The following EXOC4 variants were observed in gnomAD, a reference collection of about 807,000 sequenced individuals.
EXOC4 encodes the protein SEC8-like 1.
In EXOC4, 71 loss-of-function variants were observed where a neutral mutation model predicts 107.2. That is an observed-to-expected ratio of 0.66 (90% CI 0.55 to 0.81). The LOEUF (loss-of-function observed/expected upper bound fraction) is 0.81. EXOC4 is among the 30% of genes least tolerant of loss of function. The probability of loss-of-function intolerance (pLI) is 0.00; values close to 1 mark genes in which losing one functional copy is unlikely to be tolerated. For synonymous variants in EXOC4, 456 were observed against 441.2 expected (o/e 1.03, Z -0.42); for missense variants, 1,108 against 1,189.6 (o/e 0.93, Z 1.01).
intron 17 of EXOC4, among the ~76,000 whole-genome samples, chr7:134,044,217 G>A (rs1173931187): frequency 6.6e-6 from 1 of 152,148 alleles, no homozygotes; most frequent in African/African-American, 2.4e-5. Flanking sequence ...CATGAGAGCA[G>A]CCCTTCCTCT....
intron 10 of EXOC4, among the ~76,000 whole-genome samples, chr7:133,699,878 GAAC>G (rs1374994100): frequency 6.6e-6 from 1 of 152,136 alleles, no homozygotes; most frequent in South Asian, 2.1e-4. Flanking sequence ...AAATGTAACA[GAAC>G]AACTAATTTC....
rs916068865 is a variant in EXOC4 at position 133,934,036 on chromosome 7, G to A, written c.2028-3855G>A. ...TTAATATCATACAGTACCTATAGTT[G>A]TATAAGTTTATTTTACACAACTGCA... On this transcript the variant is annotated intron_variant, in intron 13 of 17. Coordinates refer to ENST00000253861, the MANE Select transcript of EXOC4 (RefSeq NM_021807.4). 2.6e-5 allele frequency among the ~76,000 whole-genome samples: 4 copies of A among 152,170 alleles called. No homozygotes were observed. In the South Asian group the frequency reaches 8.3e-4, roughly 32 times the overall value.
intron 14 of EXOC4, among the ~76,000 whole-genome samples, chr7:133,980,905 T>C (rs1457201021): frequency 6.6e-6 from 1 of 152,220 alleles, no homozygotes; most frequent in Non-Finnish European, 1.5e-5. Context: ...ATTATTAACC[T>C]TCACAAAGCA....
At chr7:133,268,042 A>G (rs922617975) in intron 1 of EXOC4, among the ~76,000 whole-genome samples, 3 of 152,360 alleles carry the variant, frequency 2.0e-5, no homozygotes, top group African/African-American at 7.2e-5. Context: ...TTTGTTCCCA[A>G]TAATATATCA....
At chr7:133,432,840 A>G (rs1357444617) in intron 7 of EXOC4, among the ~76,000 whole-genome samples, 2 of 152,202 alleles carry the variant, frequency 1.3e-5, no homozygotes, top group Admixed American at 6.5e-5. Flanking sequence ...ATGCAAAACT[A>G]ATACTGCATA....
intron 9 of EXOC4, among the ~76,000 whole-genome samples, chr7:133,606,931 G>A (rs1563124827): frequency 6.6e-6 from 1 of 151,998 alleles, no homozygotes; most frequent in Non-Finnish European, 1.5e-5. Context: ...CATACTTTCG[G>A]ATTATTCCAT....
intron 9 of EXOC4, among the ~76,000 whole-genome samples, chr7:133,519,974 AAGT>A (rs995133721): frequency 6.6e-5 from 10 of 152,236 alleles, no homozygotes; most frequent in African/African-American, 2.4e-4. Context: ...ACAGATAGCT[AAGT>A]AGTAAAATAT....
chr7:133,626,288 C>G (rs1387467515), intron 9 of EXOC4, among the ~76,000 whole-genome samples: 1 of 152,128 alleles, frequency 6.6e-6, no homozygotes. Context: ...TTTTGTTTCT[C>G]ACCCAGAATA....
intron 9 of EXOC4, among the ~76,000 whole-genome samples, chr7:133,543,608 C>T (rs1306070288): frequency 6.6e-6 from 1 of 152,122 alleles, no homozygotes; most frequent in Non-Finnish European, 1.5e-5. Flanking sequence ...TTCCTTTAAG[C>T]TTTATTTTTA....
At chr7:133,394,499 G>A (rs1335636349) in intron 7 of EXOC4, among the ~76,000 whole-genome samples, 1 of 152,108 alleles carries the variant, frequency 6.6e-6, no homozygotes, top group African/African-American at 2.4e-5. Context: ...ATCAGAGCAT[G>A]CATTTCACTG....
intron 7 of EXOC4, among the ~76,000 whole-genome samples, chr7:133,405,871 A>G (rs1322104896): frequency 6.6e-6 from 1 of 152,218 alleles, no homozygotes; most frequent in Admixed American, 6.5e-5. Context: ...ACTGTGGGTA[A>G]CTGAAAACAT....
Position 133,310,298 on chromosome 7 carries a change from C to T in EXOC4, c.656+4237C>T, listed in dbSNP as rs912160852. ...CTGCAGATAGTGCTGAACCCTGAAT[C>T]TACCTGCACAGTAAATCCTCACTTA... On this transcript the variant is annotated intron_variant, in intron 4 of 17. Transcript: ENST00000253861. Among the ~76,000 whole-genome samples the T allele has an allele frequency of 1.2e-4, 18 of 152,170 alleles. 1 individual carries two copies. The highest frequency in any genetic ancestry group is 4.3e-4 in the African/African-American group (18 of 41,446).
the EXOC4 span, among the ~76,000 whole-genome samples, chr7:134,098,671 TC>T: frequency 6.6e-6 from 1 of 152,214 alleles, no homozygotes; most frequent in Non-Finnish European, 1.5e-5. Context: ...GAACTCTACC[TC>T]TGGTTCTGGG....
intron 1 of EXOC4, among the ~76,000 whole-genome samples, chr7:133,267,497 C>T (rs947212241): frequency 6.6e-5 from 10 of 152,176 alleles, no homozygotes; most frequent in Non-Finnish European, 1.2e-4. Context: ...TATTCAAATG[C>T]CATCTTTATC....
chr7:134,086,498 C>T, the EXOC4 span, among the ~76,000 whole-genome samples: 1 of 152,144 alleles, frequency 6.6e-6, no homozygotes, highest in Non-Finnish European at 1.5e-5. Flanking sequence ...GAGACACCCT[C>T]CTGAAAACAA....
At chr7:133,816,319 A>T (rs1391975848) in intron 10 of EXOC4, among the ~76,000 whole-genome samples, 4 of 152,212 alleles carry the variant, frequency 2.6e-5, no homozygotes, top group Admixed American at 2.0e-4. Context: ...ATAGAAAATT[A>T]AAAAGAATTT....
chr7:133,611,649 C>G (rs777869342), intron 9 of EXOC4, among the ~76,000 whole-genome samples: 1 of 152,070 alleles, frequency 6.6e-6, no homozygotes, highest in South Asian at 2.1e-4. Context: ...TTCACACATG[C>G]TCTTCCTCTG....
chr7:133,294,877 G>A (rs1031856169), intron 3 of EXOC4, among the ~76,000 whole-genome samples: 9 of 152,024 alleles, frequency 5.9e-5, no homozygotes, highest in African/African-American at 1.9e-4. Context: ...GGGTTAGGTC[G>A]TCTGATGCTT....
intron 7 of EXOC4, among the ~76,000 whole-genome samples, chr7:133,376,194 A>T (rs552562754): frequency 6.6e-6 from 1 of 152,320 alleles, no homozygotes; most frequent in South Asian, 2.1e-4. Flanking sequence ...GGTACAGTGT[A>T]TATGCTTTAC....
Sources: gnomAD v4.1 joint callset for allele counts (sites outside exome capture counted in the v4.1 genomes callset) on GRCh38, gnomAD v4.1.1 for gene constraint, MANE v1.5 for transcripts, NCBI Gene and HGNC (gene_info 2026-07-23, HGNC 2026-07-21) for gene names.